Variants in CDS1 observed in about 807,000 individuals in gnomAD.
The protein encoded by CDS1 is CDP-diacylglycerol synthase 1.
In CDS1, 41 loss-of-function variants were observed where a neutral mutation model predicts 62.1. The observed-to-expected ratio is 0.66, with a 90% CI of 0.51 to 0.86. The LOEUF (loss-of-function observed/expected upper bound fraction) is 0.86. Among genes scored for constraint, CDS1 ranks in the 40% least tolerant of loss-of-function variants. The pLI, the probability that CDS1 is intolerant of heterozygous loss-of-function variation, is 0.00. For synonymous variants in CDS1, 185 were observed against 192.6 expected (o/e 0.96, Z 0.32); for missense variants, 470 against 550.1 (o/e 0.85, Z 1.46).
chr4:84,637,205 T>C (rs1031041597), intron 8 of CDS1, among the ~76,000 whole-genome samples: 2 of 152,214 alleles, frequency 1.3e-5, no homozygotes, highest in African/African-American at 4.8e-5. Context: ...TTTCTAAAGC[T>C]GCTCCAGAGT....
At chr4:84,592,667 GAA>G (rs1365134137) in intron 1 of CDS1, among the ~76,000 whole-genome samples, 1 of 152,174 alleles carries the variant, frequency 6.6e-6, no homozygotes, top group African/African-American at 2.4e-5. Context: ...CAGGATGGGA[GAA>G]AAAAGAGTCC....
Position 84,583,257 on chromosome 4 carries a change from T to C in CDS1, c.-145T>C. 1.7e-6 allele frequency: 1 copy of C among 592,732 alleles called. No individual in the cohort carries two copies. The highest frequency in any genetic ancestry group is 2.9e-6 in the Non-Finnish European group (1 of 340,954). 36.7% of individuals were successfully genotyped at this position (592,732 alleles called of 1,614,324 possible). A position where few individuals can be genotyped will look rare whatever the true frequency, so the allele number is the denominator to read the frequency against. On this transcript the variant is annotated 5_prime_UTR_variant, in exon 1 of 13. The change abolishes an upstream ATG in the 5' untranslated region. Transcript: ENST00000295887. The stretch of plus-strand genomic sequence containing the variant: ...GGTGACCGGCGCGGCGGCCGCTCTA[T>C]GGTGGGGCCGCGTTAGTGGCTGCGG...
chr4:84,606,550 C>T (rs1258320783), intron 2 of CDS1, among the ~76,000 whole-genome samples: 2 of 152,124 alleles, frequency 1.3e-5, no homozygotes, highest in Non-Finnish European at 2.9e-5. Flanking sequence ...TAGTATATTA[C>T]TAAATGTTCA....
At chr4:84,586,298 T>A (rs2110029901) in intron 1 of CDS1, among the ~76,000 whole-genome samples, 1 of 152,280 alleles carries the variant, frequency 6.6e-6, no homozygotes, top group South Asian at 2.1e-4. Flanking sequence ...CTATTATTAT[T>A]ACATTGTAAT....
chr4:84,621,288 C>G lies in CDS1; in HGVS notation c.580+1755C>G, dbSNP rs73831546. ...CAATAAATGAATTTTTCTCCTGGTA[C>G]AATCTTAGAAACTGGGTAATTCTTT... On this transcript the variant is annotated intron_variant, in intron 5 of 12. Coordinates refer to ENST00000295887, the MANE Select transcript of CDS1 (RefSeq NM_001263.4). Among the ~76,000 whole-genome samples the G allele has an allele frequency of 6.7e-3, 1,018 of 152,260 alleles. 13 individuals carry two copies. Among genetic ancestry groups the G allele is most frequent in the African/African-American group, 0.023 (974 of 41,546 alleles).
At chr4:84,648,370 C>G (rs778186108) in intron 12 of CDS1, among the ~76,000 whole-genome samples, 187 bp from the exon 13 acceptor site, 10 of 152,134 alleles carry the variant, frequency 6.6e-5, no homozygotes, top group Non-Finnish European at 1.5e-4. Context: ...CATTCTTTCT[C>G]CCTCTCTGCT....
chr4:84,631,891 A>G lies in CDS1; in HGVS notation c.639+14A>G, dbSNP rs762681659. 3.2e-6 allele frequency: 5 copies of G among 1,567,310 alleles called. No homozygotes were observed. The Admixed American group carries it at 5.0e-5, about 16-fold the overall frequency. On this transcript the variant is annotated intron_variant, in intron 6 of 12. Transcript: ENST00000295887. Reference sequence around the variant, plus strand: ...CAGTTTTATATGGTGTGTATTAACTATTATTCCTTAGTCATTATCTGTGAT... The same window carrying G: ...CAGTTTTATATGGTGTGTATTAACTGTTATTCCTTAGTCATTATCTGTGAT...
At chr4:84,597,609 A>G (rs1021972398) in intron 1 of CDS1, among the ~76,000 whole-genome samples, 5 of 152,006 alleles carry the variant, frequency 3.3e-5, no homozygotes, top group African/African-American at 1.2e-4. Context: ...CTGCACTCCA[A>G]CCTGGGTGAC....
chr4:84,633,977 A>G (rs574378865), intron 7 of CDS1, 38 bp downstream of exon 7: 18 of 1,221,040 alleles, frequency 1.5e-5, no homozygotes, highest in Non-Finnish European at 2.0e-5. Flanking sequence ...TAAGTATGTC[A>G]TAGCACTTTT....
At chr4:84,610,818 AC>A (rs1182637219) in intron 3 of CDS1, among the ~76,000 whole-genome samples, 2 of 152,188 alleles carry the variant, frequency 1.3e-5, no homozygotes, top group Non-Finnish European at 2.9e-5. Flanking sequence ...AATAGGCTAT[AC>A]CATATAGACT....
intron 5 of CDS1, among the ~76,000 whole-genome samples, chr4:84,625,033 G>A (rs1164130404): frequency 6.6e-6 from 1 of 151,954 alleles, no homozygotes; most frequent in African/African-American, 2.4e-5. Context: ...GCTAATTTTT[G>A]TATTTTTAGT....
chr4:84,613,426 T>C (rs1723390847), intron 3 of CDS1, among the ~76,000 whole-genome samples: 2 of 152,094 alleles, frequency 1.3e-5, no homozygotes, highest in African/African-American at 4.8e-5. Flanking sequence ...CTGGCCAACA[T>C]GGTGAAACCC....
At chr4:84,608,946 AG>A (rs1723219840) in intron 2 of CDS1, among the ~76,000 whole-genome samples, 1 of 151,982 alleles carries the variant, frequency 6.6e-6, no homozygotes, top group Non-Finnish European at 1.5e-5. Flanking sequence ...TGGGAGGCCG[AG>A]GCAAGCAGAT....
rs140325984 is a variant in CDS1 at position 84,588,192 on chromosome 4, G to A, written c.117+4674G>A. On this transcript the variant is annotated intron_variant, in intron 1 of 12. Transcript: ENST00000295887. The stretch of plus-strand genomic sequence containing the variant: ...AGTCAAGGGGAGCACACGTGGAATA[G>A]TGTGCTTTCAGGTAAGATCCCTGTG... Among the ~76,000 whole-genome samples, 705 of 152,316 alleles carry A rather than the reference G, an allele frequency of 4.6e-3. 6 individuals carry two copies. The highest frequency in any genetic ancestry group is 0.016 in the African/African-American group (684 of 41,568).
chr4:84,613,102 T>A (rs911404265), intron 3 of CDS1, among the ~76,000 whole-genome samples: 13 of 151,778 alleles, frequency 8.6e-5, no homozygotes, highest in African/African-American at 2.4e-4. Flanking sequence ...ATATATATAT[T>A]ATGTTTTTAT....
chr4:84,601,892 G>T (rs1722947892), intron 1 of CDS1, among the ~76,000 whole-genome samples: 1 of 151,998 alleles, frequency 6.6e-6, no homozygotes, highest in Non-Finnish European at 1.5e-5. Context: ...CAGCCTGGGT[G>T]GCCGAGTGAG....
At chr4:84,639,685 A>G (rs1724320472) in intron 9 of CDS1, among the ~76,000 whole-genome samples, 1 of 152,188 alleles carries the variant, frequency 6.6e-6, no homozygotes, top group African/African-American at 2.4e-5. Context: ...TTGTGGTTAC[A>G]TTCTGTATCC....
Position 84,619,454 on chromosome 4 carries a change from T to C in CDS1, c.501T>C (p.Ala167=), listed in dbSNP as rs773220033. 1.3e-6 allele frequency: 2 copies of C among 1,592,634 alleles called. No homozygotes were observed. Among genetic ancestry groups the C allele is most frequent in the Non-Finnish European group, 8.6e-7 (1 of 1,162,088 alleles). ...FYGETVADYF[A]TFVQREEQLQ... is the part of the protein sequence containing the mutation. ...GAGAGACTGTAGCTGATTATTTTGC[T>C]ACATTTGTTCAAAGAGAAGAACAAC... Residue 167 remains alanine (A), a synonymous_variant, in exon 5 of 13, where the codon GCT becomes GCC. Coordinates refer to ENST00000295887, the MANE Select transcript of CDS1 (RefSeq NM_001263.4).
At chr4:84,593,177 T>C (rs1722643964) in intron 1 of CDS1, among the ~76,000 whole-genome samples, 1 of 152,212 alleles carries the variant, frequency 6.6e-6, no homozygotes, top group Non-Finnish European at 1.5e-5. Context: ...TCAATGTAGA[T>C]AGTGCCCCCT....
Sources: gnomAD v4.1 joint callset for allele counts (sites outside exome capture counted in the v4.1 genomes callset) on GRCh38, gnomAD v4.1.1 for gene constraint, MANE v1.5 for transcripts, NCBI Gene and HGNC (gene_info 2026-07-23, HGNC 2026-07-21) for gene names.